Variants in GPC6 observed in about 807,000 individuals in gnomAD.
GPC6 encodes glypican-6.
Under a neutral mutation model 55.2 loss-of-function variants are expected in GPC6, and 14 were observed. That is an observed-to-expected ratio of 0.25 (90% CI 0.17 to 0.40). The LOEUF is 0.40. Ranked by LOEUF, GPC6 falls within the 10% of genes least tolerant of loss-of-function variation. The pLI is 1.00. For missense variants in GPC6, 641 were observed against 708.5 expected (o/e 0.90, Z 1.08); for synonymous variants, 278 against 259.6 (o/e 1.07, Z -0.68).
intron 6 of GPC6, among the ~76,000 whole-genome samples, chr13:94,359,547 T>A (rs1878959212): frequency 6.6e-6 from 1 of 152,190 alleles, no homozygotes. Flanking sequence ...TTCCAGTGCA[T>A]CAGGAATAAA....
intron 2 of GPC6, among the ~76,000 whole-genome samples, chr13:93,576,316 A>G (rs1226760491): frequency 6.6e-6 from 1 of 152,172 alleles, no homozygotes; most frequent in African/African-American, 2.4e-5. Flanking sequence ...AAGACAAAAA[A>G]TTATATTTTA....
At chr13:94,027,328 T>C (rs1391181492) in intron 3 of GPC6, among the ~76,000 whole-genome samples, 1 of 152,190 alleles carries the variant, frequency 6.6e-6, no homozygotes, top group African/African-American at 2.4e-5. Flanking sequence ...AAAGGAAATA[T>C]ATCTGCCAAC....
rs181502069 is a variant in GPC6 at position 93,793,829 on chromosome 13, T to G, written c.320-36325T>G. Among the ~76,000 whole-genome samples the G allele has an allele frequency of 2.3e-3, 352 of 152,330 alleles. 3 individuals are homozygous for G. The highest frequency in any genetic ancestry group is 0.016 in the Admixed American group (250 of 15,298). ...TAAACTCACTCCTGTCTTTGTGATATGAATCCACAGTTTTATTTTTACTCT... is the reference window on the plus strand; with the variant it reads ...TAAACTCACTCCTGTCTTTGTGATAGGAATCCACAGTTTTATTTTTACTCT... On this transcript the variant is annotated intron_variant, in intron 2 of 8. Coordinates refer to ENST00000377047, the MANE Select transcript of GPC6 (RefSeq NM_005708.5).
chr13:93,251,928 T>C (rs1435012833), intron 1 of GPC6, among the ~76,000 whole-genome samples: 3 of 152,218 alleles, frequency 2.0e-5, no homozygotes, highest in Non-Finnish European at 2.9e-5. Flanking sequence ...TAGTTGGAAA[T>C]GGCACTGAAA....
chr13:93,431,303 G>A (rs972239605), intron 1 of GPC6, among the ~76,000 whole-genome samples: 6 of 152,056 alleles, frequency 3.9e-5, no homozygotes, highest in African/African-American at 1.2e-4. Flanking sequence ...TTTAAGCTGT[G>A]TTGGAAGGAA....
intron 3 of GPC6, among the ~76,000 whole-genome samples, chr13:93,979,488 T>C (rs1037411773): frequency 1.3e-5 from 2 of 152,122 alleles, no homozygotes; most frequent in East Asian, 3.9e-4. Flanking sequence ...TTAATAATGG[T>C]AGAGCAATGC....
intron 4 of GPC6, among the ~76,000 whole-genome samples, chr13:94,246,615 T>C (rs1367969524): frequency 6.6e-6 from 1 of 152,102 alleles, no homozygotes; most frequent in Non-Finnish European, 1.5e-5. Flanking sequence ...TCAAGGAGAC[T>C]CTACTTTCTC....
intron 2 of GPC6, among the ~76,000 whole-genome samples, chr13:93,596,562 C>G (rs1877738643): frequency 6.7e-6 from 1 of 148,356 alleles, no homozygotes; most frequent in East Asian, 2.0e-4. Flanking sequence ...ACAAGTTTCT[C>G]CAGGGGAACA....
At chr13:93,277,994 C>G (rs1877814693) in intron 1 of GPC6, among the ~76,000 whole-genome samples, 1 of 152,100 alleles carries the variant, frequency 6.6e-6, no homozygotes, top group Non-Finnish European at 1.5e-5. Flanking sequence ...AATATCTTTT[C>G]CCTCTTTACT....
intron 3 of GPC6, among the ~76,000 whole-genome samples, chr13:93,844,658 A>G (rs376999579): frequency 2.0e-5 from 3 of 147,132 alleles, no homozygotes; most frequent in East Asian, 4.0e-4. Context: ...ATTAGATCCC[A>G]TTTGTCAATT....
intron 1 of GPC6, among the ~76,000 whole-genome samples, chr13:93,464,157 C>G (rs1478901033): frequency 6.6e-6 from 1 of 152,070 alleles, no homozygotes; most frequent in Non-Finnish European, 1.5e-5. Flanking sequence ...TCAGTAAATC[C>G]TAATCTTTTT....
intron 4 of GPC6, among the ~76,000 whole-genome samples, chr13:94,147,204 C>G (rs192932775): frequency 4.1e-4 from 62 of 152,208 alleles, no homozygotes; most frequent in Middle Eastern, 6.8e-3. Flanking sequence ...CCTCTTAAGT[C>G]CTTCATTTTC....
At chr13:93,418,874 C>A (rs1344501424) in intron 1 of GPC6, among the ~76,000 whole-genome samples, 1 of 149,602 alleles carries the variant, frequency 6.7e-6, no homozygotes, top group Non-Finnish European at 1.5e-5. Context: ...GGCACTATAC[C>A]ATAGTATTAT....
At chr13:93,401,614 G>C (rs1876081352) in intron 1 of GPC6, among the ~76,000 whole-genome samples, 1 of 150,796 alleles carries the variant, frequency 6.6e-6, no homozygotes, top group South Asian at 2.1e-4. Flanking sequence ...GGTTAGAAGG[G>C]TATTGCCAAT....
At chr13:93,277,314 C>T (rs929513832) in intron 1 of GPC6, among the ~76,000 whole-genome samples, 2 of 152,164 alleles carry the variant, frequency 1.3e-5, no homozygotes, top group Non-Finnish European at 2.9e-5. Context: ...CTCAGCATCA[C>T]ATCTATAAAA....
intron 2 of GPC6, among the ~76,000 whole-genome samples, chr13:93,574,819 T>C (rs1266120466): frequency 2.0e-5 from 3 of 152,208 alleles, no homozygotes; most frequent in Non-Finnish European, 4.4e-5. Context: ...AATAGAATTA[T>C]AAAACATACA....
chr13:93,680,739 C>T (rs745836019), intron 2 of GPC6, among the ~76,000 whole-genome samples: 5 of 152,264 alleles, frequency 3.3e-5, no homozygotes, highest in East Asian at 1.9e-4. Context: ...TGCCCAGATT[C>T]GATTCTATGG....
chr13:93,515,679 T>C (rs1471396932), intron 1 of GPC6, among the ~76,000 whole-genome samples: 1 of 152,190 alleles, frequency 6.6e-6, no homozygotes, highest in Non-Finnish European at 1.5e-5. Flanking sequence ...ACTGAAAATA[T>C]ATTCATTCTT....
rs373148861 is a variant in GPC6 at position 93,298,479 on chromosome 13, G to A, written c.160+70863G>A. Among the ~76,000 whole-genome samples, 230 of 152,270 alleles carry A rather than the reference G, an allele frequency of 1.5e-3. 2 individuals are homozygous for A. Among genetic ancestry groups the A allele is most frequent in the African/African-American group, 5.0e-3 (206 of 41,556 alleles). ...AGACAGGGTCCCACTCTGTCACCCAGGTTGGAGTGCAGTGGTGCCATCACA... is the reference window on the plus strand; with the variant it reads ...AGACAGGGTCCCACTCTGTCACCCAAGTTGGAGTGCAGTGGTGCCATCACA... On this transcript the variant is annotated intron_variant, in intron 1 of 8. Transcript: ENST00000377047.
Sources: allele counts gnomAD v4.1 joint callset (sites outside exome capture counted in the v4.1 genomes callset), GRCh38; gene constraint gnomAD v4.1.1; transcripts MANE v1.5; gene names NCBI Gene and HGNC (gene_info 2026-07-23, HGNC 2026-07-21).